NOX3: variants seen among roughly 807,000 people sequenced by gnomAD.
NOX3 encodes the protein NADPH oxidase 3.
Under a neutral mutation model 76.7 loss-of-function variants are expected in NOX3, and 74 were observed. The observed-to-expected ratio is 0.96, with a 90% confidence interval of 0.80 to 1.17. The LOEUF (loss-of-function observed/expected upper bound fraction) is 1.17, where lower values mean the gene tolerates loss of function less well. NOX3 is among the 50% of genes most tolerant of loss of function. The pLI, the probability that NOX3 is intolerant of heterozygous loss-of-function variation, is 0.00. For missense variants in NOX3, 695 were observed against 703.3 expected (o/e 0.99, Z 0.13); for synonymous variants, 263 against 261.1 (o/e 1.01, Z -0.07).
chr6:155,424,081 G>A (rs1475234817), intron 9 of NOX3, among the ~76,000 whole-genome samples: 1 of 152,110 alleles, frequency 6.6e-6, no homozygotes, highest in Non-Finnish European at 1.5e-5. Flanking sequence ...TTGGTTAATA[G>A]TTATTTCTCT....
intron 10 of NOX3, among the ~76,000 whole-genome samples, chr6:155,419,848 T>G (rs1258347166): frequency 6.6e-6 from 1 of 152,196 alleles, no homozygotes; most frequent in Non-Finnish European, 1.5e-5. Flanking sequence ...AATTGGAATT[T>G]AGTAAAAATC....
chr6:155,417,836 C>T (rs931939851), intron 10 of NOX3, among the ~76,000 whole-genome samples: 1 of 152,050 alleles, frequency 6.6e-6, no homozygotes, highest in Non-Finnish European at 1.5e-5. Context: ...CCCACTGGCC[C>T]GTGCTGTCTT....
chr6:155,415,276 T>C (rs1776609919), intron 10 of NOX3, among the ~76,000 whole-genome samples: 1 of 152,074 alleles, frequency 6.6e-6, no homozygotes, highest in African/African-American at 2.4e-5. Context: ...TTTCAGAAAA[T>C]GAATTGAGAA....
At chr6:155,436,856 T>C (rs576660870) in intron 6 of NOX3, among the ~76,000 whole-genome samples, 2 of 152,354 alleles carry the variant, frequency 1.3e-5, no homozygotes, top group South Asian at 4.1e-4. Flanking sequence ...TTGTAGACTG[T>C]TGAATTTAAT....
chr6:155,449,550 G>A (rs1299604528), intron 4 of NOX3, among the ~76,000 whole-genome samples: 1 of 152,142 alleles, frequency 6.6e-6, no homozygotes, highest in Non-Finnish European at 1.5e-5. Flanking sequence ...CAGACAAGCA[G>A]GAAGGCAGGA....
In NOX3 at chr6:155,453,498, CA is replaced by C; in HGVS notation, c.256-11del. The C allele has an allele frequency of 2.5e-6, 4 of 1,600,206 alleles. No homozygotes were observed. Among genetic ancestry groups the C allele is most frequent in the Non-Finnish European group, 3.4e-6 (4 of 1,168,580 alleles). On this transcript the variant is annotated splice_polypyrimidine_tract_variant and intron_variant, in intron 3 of 13. Coordinates refer to ENST00000159060, the MANE Select transcript of NOX3 (RefSeq NM_015718.3). ...ACGGTCCTCTGCAGCACTAGAGTAA[CA>C]AAAAAATATGCCTGATTTATGGAAA... is the stretch of plus-strand genomic sequence containing the variant.
intron 11 of NOX3, among the ~76,000 whole-genome samples, chr6:155,410,543 A>G (rs1006923182): frequency 1.3e-5 from 2 of 152,252 alleles, no homozygotes; most frequent in African/African-American, 4.8e-5. Flanking sequence ...ATCATTCAAT[A>G]GTATCAACAT....
At chr6:155,413,164 C>A (rs549851025) in intron 10 of NOX3, among the ~76,000 whole-genome samples, 113 of 152,228 alleles carry the variant, frequency 7.4e-4, no homozygotes, top group African/African-American at 2.6e-3. Flanking sequence ...CATGTCCCCT[C>A]TTCATGAGAA....
intron 9 of NOX3, among the ~76,000 whole-genome samples, chr6:155,428,425 A>C (rs1776784644): frequency 6.6e-6 from 1 of 152,182 alleles, no homozygotes; most frequent in African/African-American, 2.4e-5. Context: ...ACCTGACTTT[A>C]CAAATACAAT....
chr6:155,406,531 C>T (rs973092285), intron 12 of NOX3, among the ~76,000 whole-genome samples: 1 of 152,090 alleles, frequency 6.6e-6, no homozygotes, highest in Non-Finnish European at 1.5e-5. Context: ...TTGCAAACTC[C>T]ATACAAAGCA....
chr6:155,426,757 G>A (rs1169681471), intron 9 of NOX3, among the ~76,000 whole-genome samples: 1 of 152,130 alleles, frequency 6.6e-6, no homozygotes, highest in African/African-American at 2.4e-5. Context: ...TGCAGCTGGC[G>A]ATGCACTCCA....
At chr6:155,430,961 GAA>G in intron 7 of NOX3, 26 bp from the exon 8 acceptor site, 1 of 1,329,880 alleles carries the variant, frequency 7.5e-7, no homozygotes, top group Admixed American at 1.8e-5. Context: ...GAGAGAGAGA[GAA>G]AAAGGAAATG....
At chr6:155,450,692 G>C (rs779218194) in intron 4 of NOX3, among the ~76,000 whole-genome samples, 2 of 152,184 alleles carry the variant, frequency 1.3e-5, no homozygotes, top group Non-Finnish European at 2.9e-5. Context: ...GCACCATGAG[G>C]AGGACAGAGC....
rs572859552 is a variant in NOX3, at chr6:155,411,116, A to G, written c.1455+98T>C. 4.6e-5 allele frequency: 40 copies of G among 878,016 alleles called. No homozygotes were observed. In the South Asian group the frequency reaches 1.0e-3, roughly 23 times the overall value. The allele number at this position is 878,016 out of a possible 1,614,324, so 54.4% of individuals were successfully genotyped here. On this transcript the variant is annotated intron_variant, in intron 11 of 13. Coordinates refer to ENST00000159060, the MANE Select transcript of NOX3 (RefSeq NM_015718.3). ...TTAAGAACATAAAAATAATTCTGTC[A>G]TGCTATCAGAGTGCTACATAGCTCA...
intron 7 of NOX3, among the ~76,000 whole-genome samples, chr6:155,431,731 T>C (rs1226227037): frequency 6.6e-6 from 1 of 152,190 alleles, no homozygotes; most frequent in African/African-American, 2.4e-5. Flanking sequence ...CTATTTGTAC[T>C]GAACAATCCC....
chr6:155,397,447 G>C (rs1053442317), intron 12 of NOX3, among the ~76,000 whole-genome samples: 1 of 152,146 alleles, frequency 6.6e-6, no homozygotes, highest in South Asian at 2.1e-4. Flanking sequence ...TCTTGGATAC[G>C]TGACCAGATG....
intron 4 of NOX3, among the ~76,000 whole-genome samples, chr6:155,447,575 G>C (rs1299374205): frequency 6.6e-6 from 1 of 152,222 alleles, no homozygotes; most frequent in Non-Finnish European, 1.5e-5. Flanking sequence ...GGCAGCTTCT[G>C]AGGGAATTTG....
chr6:155,410,061 T>C (rs1367721130), intron 11 of NOX3, among the ~76,000 whole-genome samples: 1 of 152,080 alleles, frequency 6.6e-6, no homozygotes, highest in Non-Finnish European at 1.5e-5. Context: ...CAGTCAAAAA[T>C]CCCACTTGAA....
chr6:155,435,856 A>G (rs1776896947), intron 7 of NOX3, among the ~76,000 whole-genome samples: 1 of 152,264 alleles, frequency 6.6e-6, no homozygotes, highest in African/African-American at 2.4e-5. Flanking sequence ...TCATCTACAC[A>G]AATTAATTAA....
Sources: gnomAD v4.1 joint callset for allele counts (sites outside exome capture counted in the v4.1 genomes callset) on GRCh38, gnomAD v4.1.1 for gene constraint, MANE v1.5 for transcripts, NCBI Gene and HGNC (gene_info 2026-07-23, HGNC 2026-07-21) for gene names.